Variants in PLCXD3 observed in about 807,000 individuals in gnomAD.
PLCXD3 encodes PI-PLC X domain-containing protein 3.
A neutral mutation model predicts 25.5 loss-of-function variants in PLCXD3; 19 were observed. That is an observed-to-expected ratio of 0.75 (90% confidence interval 0.52 to 1.09). The LOEUF is 1.09. Ranked by LOEUF, PLCXD3 falls within the 50% of genes least tolerant of loss-of-function variation. The pLI is 0.00. For synonymous variants in PLCXD3, 174 were observed against 137.6 expected (o/e 1.26, Z -1.85); for missense variants, 411 against 388.1 (o/e 1.06, Z -0.50).
intron 2 of PLCXD3, among the ~76,000 whole-genome samples, chr5:41,324,710 G>A (rs1743573315): frequency 6.6e-6 from 1 of 152,206 alleles, no homozygotes; most frequent in African/African-American, 2.4e-5. Context: ...GGCCTTGCTA[G>A]AACAGATGAA....
chr5:41,450,727 C>T (rs576342295), intron 1 of PLCXD3, among the ~76,000 whole-genome samples: 5 of 152,158 alleles, frequency 3.3e-5, no homozygotes, highest in South Asian at 2.1e-4. Flanking sequence ...CCTAAGTCCC[C>T]GGGCTGCCTC....
chr5:41,440,220 T>TG (rs1297980742), intron 1 of PLCXD3, among the ~76,000 whole-genome samples: 13 of 71,042 alleles, frequency 1.8e-4, no homozygotes, highest in African/African-American at 7.5e-4. Context: ...TCTCAATTTT[T>TG]TTTTTTTTTT....
intron 1 of PLCXD3, among the ~76,000 whole-genome samples, chr5:41,452,069 CAGA>C (rs1458575399): frequency 2.0e-5 from 3 of 151,976 alleles, no homozygotes; most frequent in Non-Finnish European, 4.4e-5. Flanking sequence ...GTATTGGTGC[CAGA>C]AGGAGGAGCT....
At chr5:41,391,476 C>T (rs1745817785) in intron 1 of PLCXD3, among the ~76,000 whole-genome samples, 1 of 152,118 alleles carries the variant, frequency 6.6e-6, no homozygotes, top group African/African-American at 2.4e-5. Context: ...GAACCTGCTG[C>T]CTTGAAGAAA....
intron 1 of PLCXD3, among the ~76,000 whole-genome samples, chr5:41,416,941 A>C (rs1209653576): frequency 6.6e-6 from 1 of 152,174 alleles, no homozygotes; most frequent in Non-Finnish European, 1.5e-5. Flanking sequence ...TATGAACAAA[A>C]GATTCTTCCC....
chr5:41,368,937 C>T (rs894985307), intron 2 of PLCXD3, among the ~76,000 whole-genome samples: 5 of 152,102 alleles, frequency 3.3e-5, no homozygotes, highest in African/African-American at 7.2e-5. Context: ...ATGGAAATGT[C>T]GTTGCTCATG....
intron 1 of PLCXD3, among the ~76,000 whole-genome samples, chr5:41,413,082 G>T (rs942254034): frequency 3.3e-5 from 5 of 152,146 alleles, no homozygotes; most frequent in Non-Finnish European, 7.4e-5. Context: ...GCCATTTATT[G>T]TATTACACTT....
chr5:41,473,013 CCT>C (rs1313455897), intron 1 of PLCXD3, among the ~76,000 whole-genome samples: 3 of 151,942 alleles, frequency 2.0e-5, no homozygotes, highest in Non-Finnish European at 2.9e-5. Context: ...ATAAGCCTCT[CCT>C]ATCTATATTC....
intron 1 of PLCXD3, among the ~76,000 whole-genome samples, chr5:41,459,179 G>A (rs1747820029): frequency 6.6e-6 from 1 of 151,858 alleles, no homozygotes; most frequent in Non-Finnish European, 1.5e-5. Flanking sequence ...TAAGGTTTGA[G>A]AAGACAAATG....
At chr5:41,407,246 G>GA (rs530513968) in intron 1 of PLCXD3, among the ~76,000 whole-genome samples, 181 of 152,056 alleles carry the variant, frequency 1.2e-3, no homozygotes, top group Non-Finnish European at 2.3e-3. Context: ...ATAGTACTTA[G>GA]AAAAAATGAA....
At chr5:41,346,017 C>T (rs1744292625) in intron 2 of PLCXD3, among the ~76,000 whole-genome samples, 1 of 152,056 alleles carries the variant, frequency 6.6e-6, no homozygotes, top group South Asian at 2.1e-4. Context: ...GTAGCTGGGA[C>T]TACAGGCACC....
chr5:41,462,475 A>G (rs1430369848), intron 1 of PLCXD3, among the ~76,000 whole-genome samples: 1 of 152,002 alleles, frequency 6.6e-6, no homozygotes, highest in Admixed American at 6.6e-5. Flanking sequence ...TCATATAAGT[A>G]TTTTTCAATA....
chr5:41,425,381 T>G (rs554871110), intron 1 of PLCXD3, among the ~76,000 whole-genome samples: 3 of 151,158 alleles, frequency 2.0e-5, no homozygotes, highest in Admixed American at 2.0e-4. Flanking sequence ...AGATTTCCCA[T>G]ATACCTGCTT....
At chr5:41,485,066 A>G (rs757116269) in intron 1 of PLCXD3, among the ~76,000 whole-genome samples, 2 of 152,214 alleles carry the variant, frequency 1.3e-5, no homozygotes, top group Non-Finnish European at 2.9e-5. Context: ...CTCATAACTC[A>G]TTCATTGAGA....
At chr5:41,444,103 G>A (rs548996964) in intron 1 of PLCXD3, among the ~76,000 whole-genome samples, 1 of 152,018 alleles carries the variant, frequency 6.6e-6, no homozygotes, top group South Asian at 2.1e-4. Context: ...CCTATAATTG[G>A]TGGCCTTTAT....
intron 1 of PLCXD3, among the ~76,000 whole-genome samples, chr5:41,507,643 C>T (rs1441833616): frequency 6.6e-6 from 1 of 152,156 alleles, no homozygotes; most frequent in Non-Finnish European, 1.5e-5. Context: ...TCAGCTGCCC[C>T]AGTTGGGTAG....
intron 2 of PLCXD3, among the ~76,000 whole-genome samples, chr5:41,365,059 C>G (rs1439079137): frequency 1.3e-5 from 2 of 152,150 alleles, no homozygotes; most frequent in African/African-American, 4.8e-5. Context: ...CTCCTAACAC[C>G]AATAGGCACA....
intron 2 of PLCXD3, among the ~76,000 whole-genome samples, chr5:41,344,351 T>A (rs1486695916): frequency 6.6e-6 from 1 of 152,144 alleles, no homozygotes. Context: ...CAGCTCTTAT[T>A]CAAATAAAAG....
chr5:41,325,875 A>T (rs547458561), intron 2 of PLCXD3, among the ~76,000 whole-genome samples: 13 of 152,330 alleles, frequency 8.5e-5, no homozygotes, highest in African/African-American at 2.4e-4. Context: ...ATGTGCTAGT[A>T]GATTTGGTGT....
Sources: allele counts gnomAD v4.1 joint callset (sites outside exome capture counted in the v4.1 genomes callset), GRCh38; gene constraint gnomAD v4.1.1; transcripts MANE v1.5; gene names NCBI Gene and HGNC (gene_info 2026-07-23, HGNC 2026-07-21).